The following NEB variants were observed in gnomAD, a reference collection of about 807,000 sequenced individuals.
NEB encodes nemaline myopathy type 2.
A neutral mutation model predicts 952.2 loss-of-function variants in NEB; 512 were observed. The ratio of observed to expected loss-of-function variants is 0.54; its 90% CI spans 0.50 to 0.58. The LOEUF (loss-of-function observed/expected upper bound fraction) is 0.58. Among genes scored for constraint, NEB ranks in the 20% least tolerant of loss-of-function variants. NEB has a pLI of 0.00. For missense variants in NEB, 8,428 were observed against 9,231.1 expected (o/e 0.91, Z 3.56); for synonymous variants, 2,900 against 3,149.8 (o/e 0.92, Z 2.66).
chr2:151,719,785 G>C (rs556615183), intron 9 of NEB, among the ~76,000 whole-genome samples: 1 of 150,552 alleles, frequency 6.6e-6, no homozygotes, highest in Non-Finnish European at 1.5e-5. Context: ...AGGCTGAAGT[G>C]AGAGGATCAC....
At chr2:151,706,788 G>A in intron 13 of NEB, 93 bp downstream of exon 13, 1 of 888,122 alleles carries the variant, frequency 1.1e-6, no homozygotes. Flanking sequence ...TAATGTATTT[G>A]CAAAGTTATA....
In NEB at chr2:151,570,131, C is replaced by T. The variant is rs765593110; in HGVS notation, c.17380G>A (p.Asp5794Asn). The T allele has an allele frequency of 7.4e-6, 12 of 1,612,572 alleles. No individual in the cohort carries two copies. The African/African-American group carries it at 8.0e-5, about 11-fold the overall frequency. The change falls in exon 109 of 182, where the codon GAC becomes AAC. Residue 5794 changes from aspartate (D) to asparagine (N), a missense_variant. By Grantham distance (23) the Asp-to-Asn change is conservative. Coordinates refer to ENST00000397345, the MANE Select transcript of NEB (RefSeq NM_001164508.2). ...TTGGCCTGAATCACATCGTTCTGGTCGGGCATGCAGGTCCACTGGTGCAGG... is the reference window on the plus strand; with the variant it reads ...TTGGCCTGAATCACATCGTTCTGGTTGGGCATGCAGGTCCACTGGTGCAGG... ...NYLHQWTCMPDQNDVIQAKKA... is the reference protein window; with the variant it reads ...NYLHQWTCMPNQNDVIQAKKA...
At chr2:151,573,134 G>A (rs1251451684) in intron 107 of NEB, among the ~76,000 whole-genome samples, 1 of 152,130 alleles carries the variant, frequency 6.6e-6, no homozygotes, top group African/African-American at 2.4e-5. Context: ...TAAATTGTGG[G>A]TTTAATCAAG....
chr2:151,591,765 A>C (rs2097281109), intron 95 of NEB, among the ~76,000 whole-genome samples: 1 of 152,310 alleles, frequency 6.6e-6, no homozygotes, highest in Non-Finnish European at 1.5e-5. Context: ...GCCCACTAAA[A>C]CCTGAGAACT....
intron 10 of NEB, among the ~76,000 whole-genome samples, 166 bp from the exon 11 acceptor site, chr2:151,710,704 C>A (rs2099742464): frequency 6.6e-6 from 1 of 152,098 alleles, no homozygotes; most frequent in Middle Eastern, 3.4e-3. Context: ...GTCAATTTAC[C>A]CAACCAGAAA....
At chr2:151,491,965 T>C in intron 178 of NEB, 133 bp downstream of exon 178, 1 of 1,074,066 alleles carries the variant, frequency 9.3e-7, no homozygotes. Flanking sequence ...TATGAGATAA[T>C]AGGAGCTTTC....
At chr2:151,605,270 G>C (rs967523714) in intron 84 of NEB, among the ~76,000 whole-genome samples, 6 of 130,650 alleles carry the variant, frequency 4.6e-5, no homozygotes, top group African/African-American at 1.5e-4. Context: ...GTCTCTATGA[G>C]GTAGATACTA....
intron 76 of NEB, 99 bp from the exon 77 acceptor site, chr2:151,614,686 C>T (rs2098132628): frequency 2.2e-6 from 3 of 1,349,558 alleles, no homozygotes; most frequent in Non-Finnish European, 3.0e-6. Context: ...TTCCCCAACA[C>T]TATCATGAAG....
intron 158 of NEB, 54 bp downstream of exon 158, chr2:151,514,764 C>A: frequency 8.2e-7 from 1 of 1,224,082 alleles, no homozygotes; most frequent in Admixed American, 2.1e-5. Context: ...TAATGAGTGT[C>A]ACTAGTGCAA....
chr2:151,498,016 C>T (rs996880628), intron 170 of NEB: 41 of 1,435,884 alleles, frequency 2.9e-5, no homozygotes, highest in East Asian at 5.0e-5. Flanking sequence ...TGTTAGAACT[C>T]GGTGTTGTTA....
rs531692437 is a variant in NEB at position 151,662,277 on chromosome 2, A to T, written c.5828T>A (p.Leu1943Gln). The T allele has an allele frequency of 1.2e-6, 2 of 1,613,624 alleles. No individual in the cohort carries two copies. Among genetic ancestry groups the T allele is most frequent in the Admixed American group, 3.3e-5 (2 of 60,000 alleles). The part of the protein sequence containing the change: ...KGIGWLPLGS[L>Q]EAEKNKKAME... ...GGCTTTCTTGTTTTTCTCTGCTTCC[A>T]GGGAGCCCAGAGGGAGCCATCCAAT... is the stretch of plus-strand genomic sequence containing the variant. The change falls in exon 46 of 182, where the codon CTG (leucine) becomes CAG (glutamine). Residue 1943 changes from leucine (L) to glutamine (Q), a missense_variant. Physicochemically the swap from Leu to Gln is moderately radical, Grantham distance 113. Coordinates refer to ENST00000397345, the MANE Select transcript of NEB (RefSeq NM_001164508.2).
rs77875934 is a variant in NEB, at chr2:151,513,413, A to G, written c.23241+167T>C. Among the ~76,000 whole-genome samples, 965 of 152,300 alleles carry G rather than the reference A, an allele frequency of 6.3e-3. 10 individuals are homozygous for G. The highest frequency in any genetic ancestry group is 0.022 in the African/African-American group (912 of 41,574). On this transcript the variant is annotated intron_variant, in intron 160 of 181. Transcript: ENST00000397345. ...AAGGTAGACAGCAATGAGCCTGGCA[A>G]AGGGTCCTCCATCCTTTCATTGGGA...
Position 151,499,393 on chromosome 2 carries a change from G to T in NEB, c.24022-3C>A. On this transcript the variant is annotated splice_region_variant and splice_polypyrimidine_tract_variant and intron_variant, in intron 168 of 181. Transcript: ENST00000397345. ...CCAACGTTTTCTTTATACAACACCT[G>T]TATGACACAAGAAAGCATCCAGAAA... is the stretch of plus-strand genomic sequence containing the variant. The T allele has an allele frequency of 6.6e-7, 1 of 1,507,126 alleles. No homozygotes were observed. The highest frequency in any genetic ancestry group is 1.7e-4 in the Middle Eastern group (1 of 5,888). 93.4% of individuals were successfully genotyped at this position (1,507,126 alleles called of 1,614,324 possible). A position where few individuals can be genotyped will look rare whatever the true frequency, so the allele number is the denominator to read the frequency against.
chr2:151,687,762 G>T (rs2099514174), intron 25 of NEB, 29 bp from the exon 26 acceptor site: 12 of 1,541,032 alleles, frequency 7.8e-6, no homozygotes, highest in Non-Finnish European at 1.1e-5. Flanking sequence ...GCAAAGGAAT[G>T]ATAAGAACAA....
At chr2:151,725,405 G>A (rs776083944) in intron 6 of NEB, 48 bp downstream of exon 6, 3 of 1,439,130 alleles carry the variant, frequency 2.1e-6, no homozygotes, top group South Asian at 2.4e-5. Context: ...CCCAGCAGTA[G>A]GTGTATTTTG....
At chr2:151,538,330 T>G in intron 138 of NEB, 86 bp from the exon 139 acceptor site, 1 of 1,003,712 alleles carries the variant, frequency 1.0e-6, no homozygotes, top group Middle Eastern at 2.6e-4. Flanking sequence ...TCTTGTCTTC[T>G]CTCTGGTTTT....
chr2:151,492,075 T>C (rs767764190), intron 178 of NEB, 23 bp downstream of exon 178: 12 of 1,611,308 alleles, frequency 7.4e-6, no homozygotes, highest in Non-Finnish European at 1.0e-5. Flanking sequence ...GTTAATCCCC[T>C]CCCCCAACCC....
At chr2:151,549,492 T>C in intron 130 of NEB, 144 bp downstream of exon 130, 1 of 656,184 alleles carries the variant, frequency 1.5e-6, no homozygotes, top group Non-Finnish European at 2.8e-6. Context: ...CTCAAAAATA[T>C]GCTGTCTCTC....
chr2:151,497,529 T>TTGTC (rs2061045289), intron 171 of NEB, 97 bp downstream of exon 171: 3 of 1,502,332 alleles, frequency 2.0e-6, no homozygotes, highest in Non-Finnish European at 2.7e-6. Flanking sequence ...AAAATTTAAG[T>TTGTC]TGTCTTTAAA....
Sources: allele counts gnomAD v4.1 joint callset (sites outside exome capture counted in the v4.1 genomes callset), GRCh38; gene constraint gnomAD v4.1.1; transcripts MANE v1.5; gene names NCBI Gene and HGNC (gene_info 2026-07-23, HGNC 2026-07-21).